The following GRID2 variants were observed in gnomAD, a reference collection of about 807,000 sequenced individuals.
GRID2 encodes glutamate ionotropic receptor delta type subunit 2, also known as glutamate receptor ionotropic, delta-2.
GRID2 carries 33 observed loss-of-function variants against 114.8 expected under a neutral mutation model. The observed-to-expected ratio is 0.29, with a 90% CI of 0.22 to 0.38. GRID2 has a LOEUF of 0.38. Among genes scored for constraint, GRID2 ranks in the 10% least tolerant of loss-of-function variants. The pLI, the probability that GRID2 is intolerant of heterozygous loss-of-function variation, is 1.00. For missense variants in GRID2, 1,184 were observed against 1,257.7 expected (o/e 0.94, Z 0.89); for synonymous variants, 505 against 449.9 (o/e 1.12, Z -1.55).
intron 2 of GRID2, among the ~76,000 whole-genome samples, chr4:92,736,838 G>A (rs1736623772): frequency 6.6e-6 from 1 of 152,018 alleles, no homozygotes; most frequent in Admixed American, 6.6e-5. Flanking sequence ...ATATGGTAAA[G>A]TTTATAGAAG....
At position 92,385,486 on chromosome 4, in the gene GRID2, A is replaced by T. The variant is rs532150773; in HGVS notation, c.88+80742A>T. 3.3e-5 allele frequency among the ~76,000 whole-genome samples: 5 copies of T among 149,464 alleles called. No homozygotes were observed. The East Asian group carries it at 7.8e-4, about 23-fold the overall frequency. On this transcript the variant is annotated intron_variant, in intron 1 of 15. Coordinates refer to ENST00000282020, the MANE Select transcript of GRID2 (RefSeq NM_001510.4). Reference sequence around the variant, plus strand: ...TAGTCTAAGGTAAGGAAATCAAACCATTTTTTTTTTCCTACAACCATGTTA... The same window carrying T: ...TAGTCTAAGGTAAGGAAATCAAACCTTTTTTTTTTTCCTACAACCATGTTA...
At chr4:93,288,811 A>T (rs1297309922) in intron 8 of GRID2, among the ~76,000 whole-genome samples, 1 of 152,120 alleles carries the variant, frequency 6.6e-6, no homozygotes, top group Non-Finnish European at 1.5e-5. Context: ...TCTAATAATT[A>T]TGTTTTCTAT....
intron 2 of GRID2, among the ~76,000 whole-genome samples, chr4:92,794,168 AT>A (rs1183062096): frequency 2.6e-5 from 4 of 151,794 alleles, no homozygotes; most frequent in African/African-American, 9.7e-5. Flanking sequence ...CCAGGCTACA[AT>A]CCAGTGGCAC....
intron 2 of GRID2, among the ~76,000 whole-genome samples, chr4:92,880,905 G>A (rs1283971615): frequency 2.0e-5 from 3 of 151,322 alleles, no homozygotes; most frequent in Non-Finnish European, 4.4e-5. Context: ...GTTTTGTTTT[G>A]TTTTGTTTTA....
intron 2 of GRID2, among the ~76,000 whole-genome samples, chr4:92,981,876 C>A (rs1045928547): frequency 6.6e-6 from 1 of 151,694 alleles, no homozygotes; most frequent in African/African-American, 2.4e-5. Flanking sequence ...CACATCTATG[C>A]AGATCAACAA....
chr4:92,902,134 C>A (rs1043282076), intron 2 of GRID2, among the ~76,000 whole-genome samples: 2 of 152,050 alleles, frequency 1.3e-5, no homozygotes, highest in African/African-American at 4.8e-5. Context: ...ACCTAATATT[C>A]TATTTGGGAT....
In GRID2 at chr4:93,085,128, C is replaced by A. The variant is rs778543946; in HGVS notation, c.378C>A (p.Thr126=). The change falls in exon 3 of 16, where the codon ACC becomes ACA. Residue 126 remains threonine, a synonymous_variant. Coordinates refer to ENST00000282020, the MANE Select transcript of GRID2 (RefSeq NM_001510.4). ...TCATTCAGCGCTCAACAGCTGGGAC[C>A]CCAAGGAGTGGCTGTGGACTCACCC... is the stretch of plus-strand genomic sequence containing the variant. ...HLFIQRSTAG[T]PRSGCGLTRS... 1 of 1,614,120 alleles carries A rather than the reference C, an allele frequency of 6.2e-7. No individual in the cohort carries two copies. The highest frequency in any genetic ancestry group is 1.1e-5 in the South Asian group (1 of 91,076).
intron 11 of GRID2, among the ~76,000 whole-genome samples, chr4:93,482,542 G>A (rs1036603572): frequency 1.3e-5 from 2 of 151,890 alleles, no homozygotes; most frequent in African/African-American, 2.4e-5. Flanking sequence ...CGAGGGTTGT[G>A]GGGCAAGGGA....
rs200428570 is a variant in GRID2 at position 93,453,491 on chromosome 4, G to T, written c.1546-2171G>T. On this transcript the variant is annotated intron_variant, in intron 10 of 15. Coordinates refer to ENST00000282020, the MANE Select transcript of GRID2 (RefSeq NM_001510.4). Reference sequence around the variant, plus strand: ...ACCAGAATTTAGGAATTTGTTTATAGATATATGACAAGTAATTGTTAAATT... The same window carrying T: ...ACCAGAATTTAGGAATTTGTTTATATATATATGACAAGTAATTGTTAAATT... Among the ~76,000 whole-genome samples, 6 of 152,114 alleles carry T rather than the reference G, an allele frequency of 3.9e-5. No individual in the cohort carries two copies. The East Asian group carries it at 1.2e-3, about 30-fold the overall frequency.
chr4:92,658,850 A>G (rs1732383888), intron 2 of GRID2, among the ~76,000 whole-genome samples: 1 of 148,132 alleles, frequency 6.8e-6, no homozygotes, highest in African/African-American at 2.5e-5. Flanking sequence ...TTGTATGTGT[A>G]TATGTATCAC....
At chr4:93,195,023 C>T (rs1741351071) in intron 4 of GRID2, among the ~76,000 whole-genome samples, 3 of 152,152 alleles carry the variant, frequency 2.0e-5, no homozygotes. Context: ...TTCCTATGGA[C>T]AGATTGTGAA....
chr4:93,341,037 A>G (rs1759593368), intron 8 of GRID2, among the ~76,000 whole-genome samples: 1 of 152,168 alleles, frequency 6.6e-6, no homozygotes, highest in African/African-American at 2.4e-5. Flanking sequence ...CAGAATCTCA[A>G]TAGGGAAAGT....
chr4:92,477,038 CATGTGTGTGTGTGTGTGTGT>C lies in GRID2; in HGVS notation c.89-113092_89-113073del, dbSNP rs1488081841. ...ATGGCTAAACTATTTGATTTAACTT[CATGTGTGTGTGTGTGTGTGT>C]GTGTGTGTGTGTGTGTGTGTGTGTG... On this transcript the variant is annotated intron_variant, in intron 1 of 15. Transcript: ENST00000282020. Among the ~76,000 whole-genome samples, 215 of 104,882 alleles carry C rather than the reference CATGTGTGTGTGTGTGTGTGT, an allele frequency of 2.0e-3. 3 individuals are homozygous for C. The highest frequency in any genetic ancestry group is 6.5e-3 in the African/African-American group (195 of 29,952). 68.8% of individuals were successfully genotyped at this position (104,882 alleles called of 152,430 possible).
rs17020056 is a variant in GRID2 at position 92,991,392 on chromosome 4, A to T, written c.245-93603A>T. On this transcript the variant is annotated intron_variant, in intron 2 of 15. Coordinates refer to ENST00000282020, the MANE Select transcript of GRID2 (RefSeq NM_001510.4). The stretch of plus-strand genomic sequence containing the variant: ...AGCATAGTAAGCTATCAAACTGACG[A>T]TAAGTGTGAAATCATGAATTGGAAT... Among the ~76,000 whole-genome samples, 345 of 152,316 alleles carry T rather than the reference A, an allele frequency of 2.3e-3. 1 individual carries two copies. The highest frequency in any genetic ancestry group is 7.8e-3 in the African/African-American group (324 of 41,586).
chr4:93,078,994 G>A (rs1458645261), intron 2 of GRID2, among the ~76,000 whole-genome samples: 1 of 149,628 alleles, frequency 6.7e-6, no homozygotes, highest in African/African-American at 2.4e-5. Flanking sequence ...AAAAATATGT[G>A]TTCCAGCCTT....
intron 4 of GRID2, among the ~76,000 whole-genome samples, chr4:93,186,991 C>G (rs1222348990): frequency 6.6e-6 from 1 of 152,130 alleles, no homozygotes; most frequent in African/African-American, 2.4e-5. Flanking sequence ...AAAGATAGCA[C>G]CTTCTCACTG....
At chr4:92,531,711 A>G (rs2149151562) in intron 1 of GRID2, among the ~76,000 whole-genome samples, 1 of 152,288 alleles carries the variant, frequency 6.6e-6, no homozygotes, top group Non-Finnish European at 1.5e-5. Context: ...GGACTAGAAA[A>G]TGAGACATTT....
intron 14 of GRID2, among the ~76,000 whole-genome samples, chr4:93,729,155 CA>C (rs1381259780): frequency 6.6e-6 from 1 of 152,172 alleles, no homozygotes; most frequent in Non-Finnish European, 1.5e-5. Flanking sequence ...CTTGGCCTCC[CA>C]AAGTGCTGGG....
At chr4:93,259,691 T>C (rs1215509692) in intron 8 of GRID2, among the ~76,000 whole-genome samples, 1 of 151,866 alleles carries the variant, frequency 6.6e-6, no homozygotes, top group Non-Finnish European at 1.5e-5. Context: ...AATGTGAATG[T>C]AACGGTTACA....
Sources: gnomAD v4.1 joint callset for allele counts (sites outside exome capture counted in the v4.1 genomes callset) on GRCh38, gnomAD v4.1.1 for gene constraint, MANE v1.5 for transcripts, NCBI Gene and HGNC (gene_info 2026-07-23, HGNC 2026-07-21) for gene names.